DPRX: variants seen among roughly 807,000 people sequenced by gnomAD.
The protein encoded by DPRX is divergent-paired related homeobox, also known as divergent paired-related homeobox.
DPRX carries 11 observed loss-of-function variants against 8.4 expected under a neutral mutation model. The ratio of observed to expected loss-of-function variants is 1.31; its 90% CI spans 0.82 to 2.17. The LOEUF (loss-of-function observed/expected upper bound fraction) is 2.17. DPRX is among the 30% of genes most tolerant of loss of function. DPRX has a pLI of 0.00. For synonymous variants in DPRX, 72 were observed against 87.0 expected (o/e 0.83, Z 0.96); for missense variants, 211 against 236.7 (o/e 0.89, Z 0.71).
At chr19:53,636,905 C>G in exon 3 of DPRX, 1 of 1,613,986 alleles carries the variant, frequency 6.2e-7, no homozygotes, top group Non-Finnish European at 8.5e-7. Flanking sequence ...CTGCCTCTAC[C>G]CCATTTTGGA....
the DPRX span, among the ~76,000 whole-genome samples, chr19:53,603,137 G>C: frequency 6.7e-6 from 1 of 150,294 alleles, no homozygotes; most frequent in African/African-American, 2.5e-5. Flanking sequence ...CTGAAGCCTC[G>C]ACTGCCCAGG....
At chr19:53,628,937 C>T (rs2091080909), upstream of DPRX, among the ~76,000 whole-genome samples, 1 of 151,888 alleles carries the variant, frequency 6.6e-6, no homozygotes, top group Non-Finnish European at 1.5e-5. Context: ...CAGGTATTCC[C>T]CACTCCCTCC....
the DPRX span, among the ~76,000 whole-genome samples, chr19:53,621,449 G>A: frequency 6.6e-6 from 1 of 152,026 alleles, no homozygotes; most frequent in African/African-American, 2.4e-5. Flanking sequence ...CTATATGTAA[G>A]TTCATTTAGT....
the DPRX span, among the ~76,000 whole-genome samples, chr19:53,626,868 T>G: frequency 6.6e-6 from 1 of 151,968 alleles, no homozygotes; most frequent in South Asian, 2.1e-4. Flanking sequence ...CTGGCTAATT[T>G]TTTTTGTATT....
chr19:53,623,756 G>A, the DPRX span, among the ~76,000 whole-genome samples: 3 of 152,056 alleles, frequency 2.0e-5, no homozygotes, highest in Admixed American at 6.6e-5. Context: ...TTTGACACCA[G>A]CCTGGCCAAC....
At chr19:53,621,811 A>C in the DPRX span, among the ~76,000 whole-genome samples, 1 of 152,150 alleles carries the variant, frequency 6.6e-6, no homozygotes, top group Non-Finnish European at 1.5e-5. Context: ...AATCTTTCCT[A>C]GAAAAAAATA....
chr19:53,624,576 C>A, the DPRX span, among the ~76,000 whole-genome samples: 1 of 151,720 alleles, frequency 6.6e-6, no homozygotes, highest in Non-Finnish European at 1.5e-5. Flanking sequence ...CTGTGCCCAG[C>A]CTTTTGTTTT....
At chr19:53,601,518 G>A in the DPRX span, 2 of 347,980 alleles carry the variant, frequency 5.7e-6, no homozygotes, top group Non-Finnish European at 1.1e-5. Context: ...GTCTTGCTGT[G>A]TCACCCAGGC....
chr19:53,605,134 A>AC, the DPRX span, among the ~76,000 whole-genome samples: 1 of 150,874 alleles, frequency 6.6e-6, no homozygotes, highest in Non-Finnish European at 1.5e-5. Flanking sequence ...GGCAACACAG[A>AC]CCCCCGCCTC....
chr19:53,618,101 C>T, the DPRX span, among the ~76,000 whole-genome samples: 1 of 151,004 alleles, frequency 6.6e-6, no homozygotes, highest in Non-Finnish European at 1.5e-5. Context: ...TAGATCGCTG[C>T]CACTGCACTC....
intron 1 of DPRX, among the ~76,000 whole-genome samples, 159 bp downstream of exon 1, chr19:53,632,293 T>C (rs1426242035): frequency 6.6e-6 from 1 of 151,714 alleles, no homozygotes; most frequent in Non-Finnish European, 1.5e-5. Context: ...TTTGTTGTTG[T>C]TGTTTTGTTT....
chr19:53,626,217 C>T, the DPRX span, among the ~76,000 whole-genome samples: 2 of 152,014 alleles, frequency 1.3e-5, no homozygotes, highest in Admixed American at 6.6e-5. Flanking sequence ...GGAATACAGA[C>T]GTGAGCCACC....
chr19:53,613,750 C>A, the DPRX span, among the ~76,000 whole-genome samples: 1 of 151,854 alleles, frequency 6.6e-6, no homozygotes, highest in African/African-American at 2.4e-5. Context: ...TCATTTCAAA[C>A]CCACATAACA....
At chr19:53,608,414 C>T in the DPRX span, 1 of 152,458 alleles carries the variant, frequency 6.6e-6, no homozygotes, top group African/African-American at 2.4e-5. Flanking sequence ...TTTGGAACCC[C>T]AGGCTGACTC....
At chr19:53,628,247 G>A (rs1433674859), upstream of DPRX, among the ~76,000 whole-genome samples, 2 of 152,102 alleles carry the variant, frequency 1.3e-5, no homozygotes, top group African/African-American at 4.8e-5. Flanking sequence ...AGACCAGCCT[G>A]GGTAACACAG....
At chr19:53,603,616 C>T in the DPRX span, 3 of 289,020 alleles carry the variant, frequency 1.0e-5, no homozygotes, top group African/African-American at 6.5e-5. Flanking sequence ...GAGCCTAATA[C>T]ACCCACGGTA....
chr19:53,617,581 A>T, the DPRX span, among the ~76,000 whole-genome samples: 2 of 151,678 alleles, frequency 1.3e-5, no homozygotes, highest in African/African-American at 4.8e-5. Flanking sequence ...AAAAAGAAAA[A>T]AAAAAAGAAA....
At chr19:53,614,331 T>A in the DPRX span, among the ~76,000 whole-genome samples, 2 of 152,146 alleles carry the variant, frequency 1.3e-5, no homozygotes, top group African/African-American at 4.8e-5. Context: ...GAAGGATCCC[T>A]TGAGCCTGGG....
chr19:53,608,993 GAGAA>G, the DPRX span, among the ~76,000 whole-genome samples: 132 of 103,152 alleles, frequency 1.3e-3, no homozygotes, highest in East Asian at 0.011. Flanking sequence ...AAGAAAGAAA[GAGAA>G]AGAAAGAAAG....
Sources: allele counts gnomAD v4.1 joint callset (sites outside exome capture counted in the v4.1 genomes callset), GRCh38; gene constraint gnomAD v4.1.1; transcripts MANE v1.5; gene names NCBI Gene and HGNC (gene_info 2026-07-23, HGNC 2026-07-21).